CTBP2: variants seen among roughly 807,000 people sequenced by gnomAD.
CTBP2 encodes C-terminal binding protein 2.
Under a neutral mutation model 80.3 loss-of-function variants are expected in CTBP2, and 30 were observed. The observed-to-expected ratio is 0.37, with a 90% CI of 0.28 to 0.51. The LOEUF (loss-of-function observed/expected upper bound fraction) is 0.51, where lower values mean the gene tolerates loss of function less well. Among genes scored for constraint, CTBP2 ranks in the 20% least tolerant of loss-of-function variants. The pLI, the probability that CTBP2 is intolerant of heterozygous loss-of-function variation, is 0.93. For missense variants in CTBP2, 1,212 were observed against 1,375.3 expected (o/e 0.88, Z 1.88); for synonymous variants, 594 against 587.4 (o/e 1.01, Z -0.16).
At chr10:125,133,054 G>GGC (rs1290273034) in intron 1 of CTBP2, among the ~76,000 whole-genome samples, 2 of 152,148 alleles carry the variant, frequency 1.3e-5, no homozygotes, top group Non-Finnish European at 2.9e-5. Flanking sequence ...CCCTGAACTT[G>GGC]GCCCTGCACC....
Position 124,987,078 on chromosome 10 carries a change from G to A in CTBP2, c.*2440C>T, listed in dbSNP as rs1047570052. ...GGTTCCATTTCCTAGGCTACAGACAGGAATGGGGCTCTAAATGGTTTTCAT... is the reference window on the plus strand; with the variant it reads ...GGTTCCATTTCCTAGGCTACAGACAAGAATGGGGCTCTAAATGGTTTTCAT... On this transcript the variant is annotated 3_prime_UTR_variant, in exon 9 of 9. Transcript: ENST00000309035. 1 of 152,612 alleles carries A rather than the reference G, an allele frequency of 6.6e-6. No individual in the cohort carries two copies. The highest frequency in any genetic ancestry group is 6.5e-5 in the Admixed American group (1 of 15,272). The allele number at this position is 152,612 out of a possible 1,614,324, so 9.5% of individuals were successfully genotyped here.
chr10:125,076,431 T>C (rs1308614398), intron 2 of CTBP2, among the ~76,000 whole-genome samples: 2 of 152,152 alleles, frequency 1.3e-5, no homozygotes, highest in Non-Finnish European at 2.9e-5. Flanking sequence ...CTCCTCTGGG[T>C]CCAGAAGATC....
chr10:125,076,218 CG>C (rs1846250721), intron 2 of CTBP2, among the ~76,000 whole-genome samples: 3 of 152,266 alleles, frequency 2.0e-5, no homozygotes, highest in East Asian at 3.9e-4. Context: ...CCACAGAAGA[CG>C]ACCCTGAGCA....
In CTBP2 at chr10:124,986,285, G is replaced by GCA. The variant is rs1295268779; in HGVS notation, c.*3232_*3233insTG. The GCA allele has an allele frequency of 1.2e-4, 7 of 57,794 alleles. No homozygotes were observed. The highest frequency in any genetic ancestry group is 2.2e-4 in the African/African-American group (4 of 17,880). 3.6% of individuals were successfully genotyped at this position (57,794 alleles called of 1,614,324 possible). A position where few individuals can be genotyped will look rare whatever the true frequency, so the allele number is the denominator to read the frequency against. Reference sequence around the variant, plus strand: ...TTGGAAAGACGACACACGCACGCGCGCGCGCGCACACACACACACACACAC... The same window carrying GCA: ...TTGGAAAGACGACACACGCACGCGCGCACGCGCGCACACACACACACACACAC... On this transcript the variant is annotated 3_prime_UTR_variant, in exon 9 of 9. Transcript: ENST00000309035.
chr10:125,155,979 T>C (rs1267683617), intron 1 of CTBP2, among the ~76,000 whole-genome samples: 1 of 152,218 alleles, frequency 6.6e-6, no homozygotes, highest in Non-Finnish European at 1.5e-5. Context: ...ATTCCTCCCC[T>C]AGCAATTCAT....
At chr10:125,049,042 CA>C (rs1961997258) in intron 2 of CTBP2, among the ~76,000 whole-genome samples, 3 of 61,494 alleles carry the variant, frequency 4.9e-5, no homozygotes, top group South Asian at 1.4e-3. Context: ...CCCGCCTGAC[CA>C]CAGACACACA....
At chr10:125,134,400 A>T (rs981995705) in intron 1 of CTBP2, among the ~76,000 whole-genome samples, 1 of 152,300 alleles carries the variant, frequency 6.6e-6, no homozygotes, top group Admixed American at 6.5e-5. Context: ...AGGAAGGTCC[A>T]TGACTCTGTA....
At chr10:125,002,512 G>C (rs561863788) in intron 3 of CTBP2, among the ~76,000 whole-genome samples, 1 of 152,350 alleles carries the variant, frequency 6.6e-6, no homozygotes, top group Admixed American at 6.5e-5. Flanking sequence ...TGCCCTCCCA[G>C]AACGGGAGGC....
At chr10:125,125,172 A>G (rs1029290728) in intron 1 of CTBP2, among the ~76,000 whole-genome samples, 2 of 152,196 alleles carry the variant, frequency 1.3e-5, no homozygotes, top group Non-Finnish European at 2.9e-5. Flanking sequence ...GTGTAACCCA[A>G]TGTTGGCGGA....
intron 1 of CTBP2, among the ~76,000 whole-genome samples, chr10:125,127,796 G>A (rs1855514712): frequency 6.6e-6 from 1 of 152,154 alleles, no homozygotes; most frequent in South Asian, 2.1e-4. Context: ...CCTAAACTCA[G>A]AGAGAGCTGC....
chr10:125,033,663 G>A lies in CTBP2; in HGVS notation c.58+5334C>T, dbSNP rs550638232. On this transcript the variant is annotated intron_variant, in intron 3 of 10. Transcript: ENST00000337195. ...GGCCTCCTCCAAACACGGAGACTAC[G>A]GATGCACTGTTCCCCCCGCGGCACT... Among the ~76,000 whole-genome samples, 10 of 152,240 alleles carry A rather than the reference G, an allele frequency of 6.6e-5. No homozygotes were observed. In the East Asian group the frequency reaches 1.5e-3, roughly 24 times the overall value.
chr10:125,098,686 G>GAGAGAGAGAGAC (rs1850013256), intron 2 of CTBP2, among the ~76,000 whole-genome samples: 2 of 137,250 alleles, frequency 1.5e-5, no homozygotes, highest in Admixed American at 7.2e-5. Flanking sequence ...GAGAGAGAGA[G>GAGAGAGAGAGAC]AGAGAGAGAG....
At chr10:125,121,980 CT>C (rs1349363274) in intron 1 of CTBP2, among the ~76,000 whole-genome samples, 1 of 152,238 alleles carries the variant, frequency 6.6e-6, no homozygotes, top group Non-Finnish European at 1.5e-5. Context: ...CCAGACCAAC[CT>C]GCGGCCCACC....
At chr10:125,119,664 A>T (rs1375884406) in intron 1 of CTBP2, among the ~76,000 whole-genome samples, 2 of 152,274 alleles carry the variant, frequency 1.3e-5, no homozygotes, top group Admixed American at 6.5e-5. Flanking sequence ...TATGCATAAG[A>T]GACAGAATAG....
At chr10:125,105,022 G>C (rs1050105940) in intron 2 of CTBP2, among the ~76,000 whole-genome samples, 1 of 151,912 alleles carries the variant, frequency 6.6e-6, no homozygotes, top group African/African-American at 2.4e-5. Context: ...ATTTATTTGA[G>C]ACAGGGTCTG....
At chr10:125,034,548 A>G (rs1157041310) in intron 3 of CTBP2, among the ~76,000 whole-genome samples, 2 of 152,232 alleles carry the variant, frequency 1.3e-5, no homozygotes, top group Non-Finnish European at 2.9e-5. Flanking sequence ...ACATATAATT[A>G]TAATGTATAG....
At chr10:125,058,958 C>T (rs1964467520) in intron 2 of CTBP2, among the ~76,000 whole-genome samples, 2 of 152,158 alleles carry the variant, frequency 1.3e-5, no homozygotes, top group African/African-American at 4.8e-5. Context: ...GGAGATTCCA[C>T]CACCACCAAA....
intron 3 of CTBP2, among the ~76,000 whole-genome samples, chr10:125,033,472 C>G (rs1046032518): frequency 6.6e-6 from 1 of 152,102 alleles, no homozygotes; most frequent in South Asian, 2.1e-4. Context: ...TAACACTGTA[C>G]GTTCTGGAAA....
chr10:125,013,151 G>C (rs1956115485), intron 1 of CTBP2, among the ~76,000 whole-genome samples: 1 of 152,176 alleles, frequency 6.6e-6, no homozygotes, highest in Non-Finnish European at 1.5e-5. Context: ...AAAGGCCCAA[G>C]CTCCGAGTTG....
Sources: gnomAD v4.1 joint callset for allele counts (sites outside exome capture counted in the v4.1 genomes callset) on GRCh38, gnomAD v4.1.1 for gene constraint, MANE v1.5 for transcripts, NCBI Gene and HGNC (gene_info 2026-07-23, HGNC 2026-07-21) for gene names.